Variants in MYO18B observed in about 807,000 individuals in gnomAD.
The protein encoded by MYO18B is myosin XVIIIB.
MYO18B carries 204 observed loss-of-function variants against 273.0 expected under a neutral mutation model. The observed-to-expected ratio is 0.75, with a 90% CI of 0.67 to 0.84. The LOEUF is 0.84. Ranked by LOEUF, MYO18B falls within the 40% of genes least tolerant of loss-of-function variation. The probability of loss-of-function intolerance (pLI) is 0.00; values close to 1 mark genes in which losing one functional copy is unlikely to be tolerated. For missense variants in MYO18B, 3,212 were observed against 3,287.6 expected (o/e 0.98, Z 0.56); for synonymous variants, 1,330 against 1,305.7 (o/e 1.02, Z -0.40).
intron 34 of MYO18B, among the ~76,000 whole-genome samples, chr22:25,930,838 A>G (rs1196152854): frequency 6.6e-6 from 1 of 152,136 alleles, no homozygotes; most frequent in Admixed American, 6.5e-5. Flanking sequence ...ACTCAGGTGG[A>G]GCCACAAAGC....
chr22:25,955,327 A>G lies in MYO18B; in HGVS notation c.6119A>G (p.Gln2040Arg). 6.2e-7 allele frequency: 1 copy of G among 1,613,722 alleles called. No homozygotes were observed. The highest frequency in any genetic ancestry group is 8.5e-7 in the Non-Finnish European group (1 of 1,179,794). ...ELKADMEELV[Q>R]REAEASRRCM... ...AAGGCCGACATGGAAGAGCTGGTGC[A>G]GCGGGAGGCAGAGGCCAGCCGGCGG... Residue 2040 changes from glutamine to arginine, a missense_variant, in exon 39 of 44, where the codon CAG becomes CGG. Gln to Arg is a conservative substitution (Grantham distance 43, BLOSUM62 1). Transcript: ENST00000335473.
chr22:26,020,237 C>T (rs1485079103), intron 42 of MYO18B, among the ~76,000 whole-genome samples: 4 of 152,118 alleles, frequency 2.6e-5, no homozygotes, highest in Non-Finnish European at 4.4e-5. Flanking sequence ...ATAGGTGCCT[C>T]CTTCTTTGTT....
intron 12 of MYO18B, among the ~76,000 whole-genome samples, chr22:25,809,750 G>A (rs1259180046): frequency 2.0e-5 from 3 of 152,058 alleles, no homozygotes; most frequent in South Asian, 4.2e-4. Flanking sequence ...GGGATACCCC[G>A]ACACCAGTAG....
intron 11 of MYO18B, among the ~76,000 whole-genome samples, chr22:25,788,611 A>T (rs561048738): frequency 6.6e-6 from 1 of 152,314 alleles, no homozygotes; most frequent in East Asian, 1.9e-4. Flanking sequence ...TATGAAAAAA[A>T]TTATCCATTG....
At chr22:26,000,922 A>G (rs866162760) in intron 40 of MYO18B, among the ~76,000 whole-genome samples, 2 of 152,232 alleles carry the variant, frequency 1.3e-5, no homozygotes, top group South Asian at 4.1e-4. Flanking sequence ...CAGTGTGCAG[A>G]TACTATAAAA....
intron 40 of MYO18B, among the ~76,000 whole-genome samples, chr22:25,994,116 C>T (rs1932978030): frequency 6.6e-6 from 1 of 152,158 alleles, no homozygotes; most frequent in African/African-American, 2.4e-5. Context: ...CTCAGACTCT[C>T]CAGTAACGAT....
chr22:25,796,849 T>C (rs2087934966), intron 11 of MYO18B, among the ~76,000 whole-genome samples: 2 of 152,224 alleles, frequency 1.3e-5, no homozygotes, highest in South Asian at 4.1e-4. Context: ...CGCCCTTTAG[T>C]ATCATGGTTG....
intron 1 of MYO18B, among the ~76,000 whole-genome samples, chr22:25,748,475 GTGACCTCCC>G (rs200483944): frequency 0.01 from 1,575 of 152,254 alleles, 30 homozygotes; most frequent in African/African-American, 0.036. Context: ...CTATGTATTA[GTGACCTCCC>G]TGTCAATGGA....
At position 25,876,347 on chromosome 22, in the gene MYO18B, C is replaced by G. The variant is rs752399200; in HGVS notation, c.4224+15C>G. 2 of 1,599,212 alleles carry G rather than the reference C, an allele frequency of 1.3e-6. No individual in the cohort carries two copies. The highest frequency in any genetic ancestry group is 2.7e-5 in the African/African-American group (2 of 74,590). On this transcript the variant is annotated intron_variant, in intron 24 of 43. Transcript: ENST00000335473. ...GAGCCAAGGAGGTCAGTCTATGTGG[C>G]AGGCAGGGTGCTGGGTGGCTACTCC...
intron 32 of MYO18B, 143 bp from the exon 33 acceptor site, chr22:25,910,803 A>G: frequency 1.5e-6 from 1 of 646,574 alleles, no homozygotes; most frequent in South Asian, 1.8e-5. Context: ...CCACAGAGAC[A>G]CTACCACCCA....
the MYO18B span, among the ~76,000 whole-genome samples, chr22:26,062,673 A>G: frequency 6.6e-6 from 1 of 152,178 alleles, no homozygotes; most frequent in Non-Finnish European, 1.5e-5. Context: ...GTCTCTCACA[A>G]ATAAAATATG....
At chr22:25,914,356 A>G (rs542844446) in intron 33 of MYO18B, among the ~76,000 whole-genome samples, 1 of 152,148 alleles carries the variant, frequency 6.6e-6, no homozygotes, top group South Asian at 2.1e-4. Context: ...ATATTGAACT[A>G]TTATATTATT....
chr22:25,926,293 T>C (rs1297821142), intron 34 of MYO18B, among the ~76,000 whole-genome samples: 1 of 143,994 alleles, frequency 6.9e-6, no homozygotes, highest in Non-Finnish European at 1.5e-5. Flanking sequence ...GAGAAAGGTG[T>C]TTTTTTTTTT....
intron 14 of MYO18B, among the ~76,000 whole-genome samples, chr22:25,826,975 T>TCCCAGC (rs1434868399): frequency 1.3e-5 from 2 of 152,048 alleles, no homozygotes; most frequent in South Asian, 4.1e-4. Flanking sequence ...GCAGGGAGAA[T>TCCCAGC]TGCTTGAACC....
At chr22:25,826,563 C>T in intron 14 of MYO18B, 64 bp downstream of exon 14, 2 of 1,442,950 alleles carry the variant, frequency 1.4e-6, no homozygotes, top group Non-Finnish European at 9.7e-7. Flanking sequence ...AATTCACATA[C>T]CGGGCAGTTG....
At chr22:26,061,662 T>C in the MYO18B span, among the ~76,000 whole-genome samples, 3 of 148,112 alleles carry the variant, frequency 2.0e-5, no homozygotes, top group Non-Finnish European at 3.0e-5. Context: ...AGAAAGGTCA[T>C]CTACCACCGA....
intron 41 of MYO18B, among the ~76,000 whole-genome samples, chr22:26,004,117 AAAT>A (rs2049608799): frequency 6.6e-6 from 1 of 151,562 alleles, no homozygotes. Flanking sequence ...ACACACATAT[AAAT>A]AATATTAATA....
chr22:25,842,497 A>G (rs778748410), intron 17 of MYO18B, among the ~76,000 whole-genome samples: 4 of 151,802 alleles, frequency 2.6e-5, no homozygotes, highest in Non-Finnish European at 5.9e-5. Context: ...ACATGGTGAA[A>G]CCCCATCCCT....
At chr22:25,809,057 C>T (rs1044239112) in intron 12 of MYO18B, among the ~76,000 whole-genome samples, 18 of 152,088 alleles carry the variant, frequency 1.2e-4, no homozygotes, top group African/African-American at 4.3e-4. Context: ...AATTCTCTGC[C>T]TTAGCCTCCC....
Sources: gnomAD v4.1 joint callset for allele counts (sites outside exome capture counted in the v4.1 genomes callset) on GRCh38, gnomAD v4.1.1 for gene constraint, MANE v1.5 for transcripts, NCBI Gene and HGNC (gene_info 2026-07-23, HGNC 2026-07-21) for gene names.